The following TRPM6 variants were observed in gnomAD, a reference collection of about 807,000 sequenced individuals.
The protein encoded by TRPM6 is transient receptor potential cation channel subfamily M member 6, also known as channel kinase 2.
Under a neutral mutation model 247.6 loss-of-function variants are expected in TRPM6, and 111 were observed. The ratio of observed to expected loss-of-function variants is 0.45; its 90% CI spans 0.38 to 0.52. The LOEUF is 0.52. TRPM6 is among the 20% of genes least tolerant of loss of function. TRPM6 has a pLI of 0.00. For missense variants in TRPM6, 2,126 were observed against 2,421.5 expected (o/e 0.88, Z 2.56); for synonymous variants, 892 against 853.8 (o/e 1.04, Z -0.78).
chr9:74,808,751 A>C (rs1828623591), intron 13 of TRPM6, among the ~76,000 whole-genome samples: 1 of 152,252 alleles, frequency 6.6e-6, no homozygotes, highest in African/African-American at 2.4e-5. Context: ...TATGTAAAAC[A>C]AGAATATGGG....
At chr9:74,798,976 A>C (rs1442207006) in intron 17 of TRPM6, among the ~76,000 whole-genome samples, 1 of 152,200 alleles carries the variant, frequency 6.6e-6, no homozygotes, top group East Asian at 1.9e-4. Context: ...TATTTCTCAA[A>C]CTACCAGCTA....
chr9:74,851,769 TATATATAATACATATATATATA>T (rs1455425976), intron 3 of TRPM6, among the ~76,000 whole-genome samples: 5 of 108,438 alleles, frequency 4.6e-5, no homozygotes, highest in Non-Finnish European at 1.1e-4. Flanking sequence ...AAAAAATATA[TATATATAATACATATATATATA>T]ATATATATAT....
chr9:74,785,755 C>T (rs536927728), intron 21 of TRPM6, 119 bp downstream of exon 21: 27 of 1,095,670 alleles, frequency 2.5e-5, no homozygotes, highest in Non-Finnish European at 3.6e-5. Context: ...GATCTCCTGA[C>T]CTTGTGATCC....
chr9:74,852,147 A>T (rs1587580481), intron 3 of TRPM6, among the ~76,000 whole-genome samples: 3 of 147,520 alleles, frequency 2.0e-5, no homozygotes, highest in Middle Eastern at 3.4e-3. Flanking sequence ...AAAAATTAGA[A>T]TTTTTTTTTT....
chr9:74,838,904 G>A (rs912972973), intron 5 of TRPM6, among the ~76,000 whole-genome samples: 11 of 152,150 alleles, frequency 7.2e-5, no homozygotes, highest in African/African-American at 2.7e-4. Context: ...GAGGTCAGGA[G>A]TTCGAGGCCA....
intron 36 of TRPM6, among the ~76,000 whole-genome samples, chr9:74,733,996 C>A (rs555351888): frequency 1.3e-5 from 2 of 151,974 alleles, no homozygotes; most frequent in Non-Finnish European, 2.9e-5. Flanking sequence ...ATTTTCTAAA[C>A]GTATATAAGT....
chr9:74,862,605 T>C (rs1426540753), intron 1 of TRPM6, among the ~76,000 whole-genome samples: 1 of 152,242 alleles, frequency 6.6e-6, no homozygotes, highest in Non-Finnish European at 1.5e-5. Flanking sequence ...GATCCAAGTC[T>C]GAATGTGAAA....
At position 74,763,139 on chromosome 9, in the gene TRPM6, T is replaced by C. The variant is rs1251851278; in HGVS notation, c.3537-5A>G. 4 of 1,607,816 alleles carry C rather than the reference T, an allele frequency of 2.5e-6. No individual in the cohort carries two copies. Among genetic ancestry groups the C allele is most frequent in the South Asian group, 1.1e-5 (1 of 91,076 alleles). On this transcript the variant is annotated splice_polypyrimidine_tract_variant and splice_region_variant and intron_variant, in intron 25 of 38. Transcript: ENST00000360774. ...TGGAAGTACATCTCTGTAACCCTAGTGGTGAAGGAAGGGAGAAAACCAACA... is the reference window on the plus strand; with the variant it reads ...TGGAAGTACATCTCTGTAACCCTAGCGGTGAAGGAAGGGAGAAAACCAACA...
Position 74,724,428 on chromosome 9 carries a change from G to A in TRPM6, c.*185C>T, listed in dbSNP as rs1002237679. The A allele has an allele frequency of 2.6e-6, 2 of 774,954 alleles. No homozygotes were observed. The highest frequency in any genetic ancestry group is 1.7e-5 in the South Asian group (1 of 59,532). The allele number at this position is 774,954 out of a possible 1,614,324, so 48.0% of individuals were successfully genotyped here. A position where few individuals can be genotyped will look rare whatever the true frequency, so the allele number is the denominator to read the frequency against. On this transcript the variant is annotated 3_prime_UTR_variant, in exon 39 of 39. Transcript: ENST00000360774. ...GGAGCTGCAAAGTGCCCTGGACAGA[G>A]GTCAGTGTCTAGGAGAACCCATTGA...
intron 11 of TRPM6, among the ~76,000 whole-genome samples, chr9:74,814,904 T>C (rs899946574): frequency 3.9e-5 from 6 of 152,088 alleles, no homozygotes; most frequent in Non-Finnish European, 8.8e-5. Context: ...GCCGAGATCA[T>C]GCAACTGCAC....
At chr9:74,738,678 C>A (rs1825769130) in intron 35 of TRPM6, 66 bp from the exon 36 acceptor site, 1 of 1,355,478 alleles carries the variant, frequency 7.4e-7, no homozygotes, top group Middle Eastern at 1.8e-4. Context: ...CCTTACTGAG[C>A]AGTCATCAGC....
intron 25 of TRPM6, among the ~76,000 whole-genome samples, chr9:74,767,169 G>T (rs1335019400): frequency 6.6e-6 from 1 of 152,114 alleles, no homozygotes; most frequent in Admixed American, 6.5e-5. Flanking sequence ...AATAGTGGTG[G>T]GACCTGCTTA....
rs779233353 is a variant in TRPM6 at position 74,724,758 on chromosome 9, A to G, written c.5936-12T>C. On this transcript the variant is annotated splice_polypyrimidine_tract_variant and intron_variant, in intron 38 of 38. Coordinates refer to ENST00000360774, the MANE Select transcript of TRPM6 (RefSeq NM_017662.5). Reference sequence around the variant, plus strand: ...ATTTCTTTTTAAATCTGCAAGGAGGACAAGTAAAAAGGTTATAGTGGAACC... The same window carrying G: ...ATTTCTTTTTAAATCTGCAAGGAGGGCAAGTAAAAAGGTTATAGTGGAACC... 1 of 1,613,960 alleles carries G rather than the reference A, an allele frequency of 6.2e-7. No individual in the cohort carries two copies. The highest frequency in any genetic ancestry group is 2.2e-5 in the East Asian group (1 of 44,882).
Position 74,739,919 on chromosome 9 carries a change from G to C in TRPM6, c.5291C>G (p.Ala1764Gly), listed in dbSNP as rs770641518. 1.3e-5 allele frequency: 21 copies of C among 1,613,932 alleles called. No homozygotes were observed. Among genetic ancestry groups the C allele is most frequent in the East Asian group, 2.2e-5 (1 of 44,870 alleles). The change falls in exon 34 of 39, where the codon GCG becomes GGG. Residue 1764 changes from alanine (A) to glycine (G), a missense_variant. Physicochemically the swap from Ala to Gly is moderately conservative, Grantham distance 60. This residue lies in a region of TRPM6 where 327 missense variants were observed against 397.7 expected (regional missense o/e 0.82). Coordinates refer to ENST00000360774, the MANE Select transcript of TRPM6 (RefSeq NM_017662.5). ...SMSSWSQRGR[A>G]AMIQVLSREE... ...TCGGGACAATACCTGGATCATTGCC[G>C]CTCTCCCACGCTGAGACCAAGAGGA... is the stretch of plus-strand genomic sequence containing the variant.
At position 74,800,376 on chromosome 9, in the gene TRPM6, T is replaced by C. The variant is rs1328506660; in HGVS notation, c.2116A>G (p.Thr706Ala). 1.9e-6 allele frequency: 3 copies of C among 1,613,980 alleles called. No homozygotes were observed. ...CCCGACACGGCCAGTTTAAGGCAGG[T>C]CGAATTGCTCCAGTTCCTGAGTTCA... The part of the protein sequence containing the change: ...TYELRNWSNS[T>A]CLKLAVSGGL... The change falls in exon 17 of 39, where the codon ACC (threonine) becomes GCC (alanine). Residue 706 changes from threonine (T) to alanine (A), a missense_variant. By Grantham distance (58) the Thr-to-Ala change is moderately conservative. This residue lies in a region of TRPM6 where 1,082 missense variants were observed against 1,307.9 expected (regional missense o/e 0.83). Coordinates refer to ENST00000360774, the MANE Select transcript of TRPM6 (RefSeq NM_017662.5).
In TRPM6 at chr9:74,782,660, G is replaced by A. The variant is rs532772332; in HGVS notation, c.3094+19C>T. On this transcript the variant is annotated intron_variant, in intron 22 of 38. Coordinates refer to ENST00000360774, the MANE Select transcript of TRPM6 (RefSeq NM_017662.5). ...TATGAAGGCACAATTTCTGCATGAC[G>A]GTAAAATCCCATACACACCATCTAT... is the stretch of plus-strand genomic sequence containing the variant. The A allele has an allele frequency of 3.0e-5, 48 of 1,613,044 alleles. No individual in the cohort carries two copies. The East Asian group carries it at 6.7e-4, about 22-fold the overall frequency.
intron 25 of TRPM6, among the ~76,000 whole-genome samples, chr9:74,764,831 T>G (rs542759916): frequency 6.6e-6 from 1 of 152,214 alleles, no homozygotes; most frequent in South Asian, 2.1e-4. Flanking sequence ...AAGCAAAAAC[T>G]TTCACAATTT....
chr9:74,777,832 T>G (rs1038550365), intron 23 of TRPM6, among the ~76,000 whole-genome samples: 11 of 152,180 alleles, frequency 7.2e-5, no homozygotes, highest in Non-Finnish European at 1.5e-5. Flanking sequence ...CCCCACAGTA[T>G]GAAAAATACA....
At chr9:74,750,337 T>C (rs781295167) in intron 30 of TRPM6, among the ~76,000 whole-genome samples, 6 of 152,270 alleles carry the variant, frequency 3.9e-5, no homozygotes, top group South Asian at 4.1e-4. Flanking sequence ...TCTACTCTTT[T>C]ATGCAAATTC....
Sources: gnomAD v4.1 joint callset for allele counts (sites outside exome capture counted in the v4.1 genomes callset) on GRCh38, gnomAD v4.1.1 for gene constraint, gnomAD v4.1.1 regional missense constraint, MANE v1.5 for transcripts, NCBI Gene and HGNC (gene_info 2026-07-23, HGNC 2026-07-21) for gene names.